The following STARD13 variants were observed in gnomAD, a reference collection of about 807,000 sequenced individuals.
STARD13 encodes the protein StAR related lipid transfer domain containing 13.
A neutral mutation model predicts 106.4 loss-of-function variants in STARD13; 62 were observed. That is an observed-to-expected ratio of 0.58 (90% confidence interval 0.48 to 0.72). STARD13 has a LOEUF of 0.72. STARD13 is among the 30% of genes least tolerant of loss of function. STARD13 has a pLI of 0.00. For missense variants in STARD13, 1,387 were observed against 1,424.0 expected, an observed-to-expected ratio of 0.97 and a Z score of 0.42; for synonymous variants, 565 against 553.0, an observed-to-expected ratio of 1.02 and a Z score of -0.31.
intron 1 of STARD13, among the ~76,000 whole-genome samples, chr13:33,176,800 A>T (rs937313408): frequency 3.9e-5 from 6 of 152,242 alleles, no homozygotes; most frequent in Non-Finnish European, 8.8e-5. Flanking sequence ...ATTAAAGTTA[A>T]TTGAGGCATC....
the STARD13 span, among the ~76,000 whole-genome samples, chr13:33,496,713 T>C: frequency 6.6e-6 from 1 of 152,266 alleles, no homozygotes; most frequent in South Asian, 2.1e-4. Flanking sequence ...AGAGTACTTT[T>C]AAATTTCATG....
the STARD13 span, among the ~76,000 whole-genome samples, chr13:33,533,063 A>G: frequency 1.3e-5 from 2 of 152,222 alleles, no homozygotes; most frequent in South Asian, 2.1e-4. Flanking sequence ...AGAAAGGCCA[A>G]TCCGAGAATT....
chr13:33,111,656 A>T, intron 10 of STARD13, 122 bp downstream of exon 10: 1 of 656,838 alleles, frequency 1.5e-6, no homozygotes, highest in Non-Finnish European at 2.7e-6. Flanking sequence ...GAGCTATAAC[A>T]TATACTATTG....
chr13:33,663,001 A>T, the STARD13 span, among the ~76,000 whole-genome samples: 1 of 152,188 alleles, frequency 6.6e-6, no homozygotes, highest in African/African-American at 2.4e-5. Context: ...GAGGTGAGGT[A>T]TTTATTCCTA....
chr13:33,274,381 GC>G (rs1195743102), intron 1 of STARD13, among the ~76,000 whole-genome samples: 1 of 152,132 alleles, frequency 6.6e-6, no homozygotes, highest in East Asian at 1.9e-4. Context: ...CTGTCAGCAA[GC>G]CCAGGAGAGA....
chr13:33,177,297 T>C (rs917279128), intron 1 of STARD13, among the ~76,000 whole-genome samples: 1 of 152,184 alleles, frequency 6.6e-6, no homozygotes, highest in Admixed American at 6.5e-5. Context: ...AATCTGATTG[T>C]AAGAGTAGCA....
chr13:33,552,228 G>T, the STARD13 span, among the ~76,000 whole-genome samples: 12 of 152,016 alleles, frequency 7.9e-5, no homozygotes. Flanking sequence ...TGAACAACTA[G>T]ATACAAAATT....
At chr13:33,429,035 G>A in the STARD13 span, among the ~76,000 whole-genome samples, 5 of 152,244 alleles carry the variant, frequency 3.3e-5, no homozygotes, top group African/African-American at 9.6e-5. Flanking sequence ...AAATGCTGGC[G>A]TGAATGTGGA....
chr13:33,580,136 A>C, the STARD13 span, among the ~76,000 whole-genome samples: 1 of 152,150 alleles, frequency 6.6e-6, no homozygotes, highest in Non-Finnish European at 1.5e-5. Context: ...ATTTATTCAG[A>C]ATTACCAAAA....
At chr13:33,293,099 T>A (rs568202041) in intron 1 of STARD13, among the ~76,000 whole-genome samples, 1 of 152,294 alleles carries the variant, frequency 6.6e-6, no homozygotes, top group South Asian at 2.1e-4. Context: ...AACTGATGCA[T>A]CCTCAGGCAA....
chr13:33,420,558 TA>T, the STARD13 span, among the ~76,000 whole-genome samples: 5 of 152,152 alleles, frequency 3.3e-5, no homozygotes, highest in Non-Finnish European at 7.4e-5. Flanking sequence ...GACAGAAGGT[TA>T]ACAAAGATAT....
At chr13:33,619,988 C>T in the STARD13 span, among the ~76,000 whole-genome samples, 3 of 152,046 alleles carry the variant, frequency 2.0e-5, no homozygotes, top group South Asian at 4.2e-4. Context: ...ACTAGGGAGC[C>T]GGAGGTTGCA....
chr13:33,476,954 A>C, the STARD13 span, among the ~76,000 whole-genome samples: 8 of 152,196 alleles, frequency 5.3e-5, no homozygotes, highest in Non-Finnish European at 8.8e-5. Context: ...ACAGGGCCAG[A>C]AATTAAAGCT....
chr13:33,459,634 T>A, the STARD13 span, among the ~76,000 whole-genome samples: 1 of 152,198 alleles, frequency 6.6e-6, no homozygotes, highest in Non-Finnish European at 1.5e-5. Context: ...AATCGTATGA[T>A]AGGTGTGTTT....
the STARD13 span, among the ~76,000 whole-genome samples, chr13:33,521,043 C>T: frequency 2.4e-4 from 36 of 152,266 alleles, no homozygotes; most frequent in Non-Finnish European, 4.3e-4. Flanking sequence ...CCATCACCTA[C>T]CTGTCTCATC....
At chr13:33,458,392 C>T in the STARD13 span, among the ~76,000 whole-genome samples, 1 of 151,354 alleles carries the variant, frequency 6.6e-6, no homozygotes, top group East Asian at 1.9e-4. Flanking sequence ...CCTGCTTCAG[C>T]CTCCCGCGAA....
chr13:33,163,321 T>C lies in STARD13; in HGVS notation c.323+2016A>G, dbSNP rs145524910. Among the ~76,000 whole-genome samples, 939 of 151,950 alleles carry C rather than the reference T, an allele frequency of 6.2e-3. 16 individuals are homozygous for C. The highest frequency in any genetic ancestry group is 0.021 in the African/African-American group (863 of 41,440). The stretch of plus-strand genomic sequence containing the variant: ...TTATACCTCAGCTGGGCTCGGTGGC[T>C]CACACCTGTAATCCCAGCACTTTGG... On this transcript the variant is annotated intron_variant, in intron 3 of 13. Transcript: ENST00000336934.
At chr13:33,499,288 G>A in the STARD13 span, among the ~76,000 whole-genome samples, 80,751 of 152,110 alleles carry the variant, frequency 0.53, 22,617 homozygotes, top group African/African-American at 0.72. Flanking sequence ...ATATTAGTCA[G>A]CTTAAGCTGC....
chr13:33,125,975 G>T, intron 7 of STARD13, 106 bp downstream of exon 7: 3 of 1,228,944 alleles, frequency 2.4e-6, no homozygotes, highest in Non-Finnish European at 3.5e-6. Context: ...TTTTGGTGAG[G>T]CATGTCTTGC....
Sources: allele counts gnomAD v4.1 joint callset (sites outside exome capture counted in the v4.1 genomes callset), GRCh38; gene constraint gnomAD v4.1.1; transcripts MANE v1.5; gene names NCBI Gene and HGNC (gene_info 2026-07-23, HGNC 2026-07-21).